Variants in FNBP1L observed in about 807,000 individuals in gnomAD.
FNBP1L encodes formin binding protein 1 like.
In FNBP1L, 36 loss-of-function variants were observed where a neutral mutation model predicts 91.2. The ratio of observed to expected loss-of-function variants is 0.39; its 90% CI spans 0.30 to 0.52. The LOEUF (loss-of-function observed/expected upper bound fraction) is 0.52, where lower values mean the gene tolerates loss of function less well. Among genes scored for constraint, FNBP1L ranks in the 20% least tolerant of loss-of-function variants. The pLI, the probability that FNBP1L is intolerant of heterozygous loss-of-function variation, is 0.66. For synonymous variants in FNBP1L, 242 were observed against 237.0 expected (o/e 1.02, Z -0.19); for missense variants, 571 against 732.1 (o/e 0.78, Z 2.54).
chr1:93,510,075 A>ACCTGG (rs1670774413), intron 2 of FNBP1L, among the ~76,000 whole-genome samples: 3 of 152,228 alleles, frequency 2.0e-5, no homozygotes, highest in Admixed American at 2.0e-4. Flanking sequence ...AGGTAAACAA[A>ACCTGG]GCAGCCAGGA....
chr1:93,546,736 CTACT>C, intron 12 of FNBP1L, 102 bp from the exon 13 acceptor site: 2 of 1,193,208 alleles, frequency 1.7e-6, no homozygotes, highest in Non-Finnish European at 2.4e-6. Context: ...AGATGTGACT[CTACT>C]TAAGATTAAG....
chr1:93,505,181 G>A (rs1384858309), intron 2 of FNBP1L, among the ~76,000 whole-genome samples: 2 of 143,368 alleles, frequency 1.4e-5, no homozygotes, highest in Non-Finnish European at 3.0e-5. Flanking sequence ...GCGCGATCTT[G>A]GCTCACTGCA....
intron 13 of FNBP1L, 22 bp from the exon 14 acceptor site, chr1:93,547,325 T>G: frequency 6.5e-7 from 1 of 1,530,266 alleles, no homozygotes; most frequent in Non-Finnish European, 8.9e-7. Flanking sequence ...AGCTCAGTTG[T>G]TTGCTTATTT....
rs1232181306 is a variant in FNBP1L at position 93,544,171 on chromosome 1, G to A, written c.1229G>A (p.Arg410His). The change falls in exon 12 of 17, where the codon CGC becomes CAC. Residue 410 changes from arginine (R) to histidine (H), a missense_variant. By Grantham distance (29) the Arg-to-His change is conservative. Around this residue, in one of 5 missense-constraint regions of FNBP1L, gnomAD observed 150 missense variants for 155.9 expected, o/e 0.96. Coordinates refer to ENST00000271234, the MANE Select transcript of FNBP1L (RefSeq NM_001164473.3). ...PEQRRKKLQQ[R>H]IDELNRELQK... ...CAGAGACGTAAAAAACTACAGCAGC[G>A]CATTGATGAACTTAACAGAGAACTA... is the stretch of plus-strand genomic sequence containing the variant. 9.9e-6 allele frequency: 16 copies of A among 1,611,754 alleles called. No individual in the cohort carries two copies. The highest frequency in any genetic ancestry group is 2.7e-5 in the African/African-American group (2 of 74,954).
chr1:93,509,516 G>C (rs1478814530), intron 2 of FNBP1L, among the ~76,000 whole-genome samples: 3 of 152,220 alleles, frequency 2.0e-5, no homozygotes, highest in Non-Finnish European at 4.4e-5. Flanking sequence ...AAGAAGGGTA[G>C]TGATACAGGT....
At chr1:93,491,232 A>G (rs922049353) in intron 1 of FNBP1L, among the ~76,000 whole-genome samples, 7 of 152,080 alleles carry the variant, frequency 4.6e-5, no homozygotes, top group Non-Finnish European at 8.8e-5. Context: ...GGCGTGAGCC[A>G]CCATGCCTGG....
chr1:93,462,487 C>T lies in FNBP1L; in HGVS notation c.24+14182C>T, dbSNP rs1017456611. 2.6e-5 allele frequency among the ~76,000 whole-genome samples: 4 copies of T among 151,944 alleles called. No individual in the cohort carries two copies. The South Asian group carries it at 6.2e-4, about 24-fold the overall frequency. Reference sequence around the variant, plus strand: ...TTATTAAGGTTTCCTTAGTTTTTACCTAATACCCCTTTTTTTGTTCCATAT... The same window carrying T: ...TTATTAAGGTTTCCTTAGTTTTTACTTAATACCCCTTTTTTTGTTCCATAT... On this transcript the variant is annotated intron_variant, in intron 1 of 16. Coordinates refer to ENST00000271234, the MANE Select transcript of FNBP1L (RefSeq NM_001164473.3).
rs200967087 is a variant in FNBP1L, at chr1:93,474,242, C to CA, written c.25-25218dup. Among the ~76,000 whole-genome samples the CA allele has an allele frequency of 3.8e-3, 574 of 150,498 alleles. 2 individuals are homozygous for CA. Among genetic ancestry groups the CA allele is most frequent in the East Asian group, 0.019 (94 of 5,062 alleles). On this transcript the variant is annotated intron_variant, in intron 1 of 16. Transcript: ENST00000271234. ...TGGGTGACAAAGTGAGACTCCGTCT[C>CA]AAAAAAAACAAAAACAAAAACTTTG...
chr1:93,536,715 C>G (rs1418219615), intron 10 of FNBP1L, among the ~76,000 whole-genome samples: 1 of 152,026 alleles, frequency 6.6e-6, no homozygotes, highest in South Asian at 2.1e-4. Context: ...TGGGTACAAT[C>G]ATATTTTAGC....
intron 2 of FNBP1L, among the ~76,000 whole-genome samples, chr1:93,513,677 T>C (rs1201000079): frequency 1.3e-5 from 2 of 152,220 alleles, no homozygotes; most frequent in African/African-American, 2.4e-5. Context: ...ACCACATGAT[T>C]ATCTCAATAG....
At chr1:93,489,692 CT>C (rs1023016560) in intron 1 of FNBP1L, among the ~76,000 whole-genome samples, 3 of 152,012 alleles carry the variant, frequency 2.0e-5, no homozygotes, top group South Asian at 4.2e-4. Context: ...GAGTTTTCCC[CT>C]ATCTTTAAAA....
At chr1:93,476,582 G>A (rs1474339218) in intron 1 of FNBP1L, among the ~76,000 whole-genome samples, 1 of 152,142 alleles carries the variant, frequency 6.6e-6, no homozygotes, top group African/African-American at 2.4e-5. Flanking sequence ...GTAAAATTCT[G>A]TAAGATGATA....
intron 4 of FNBP1L, 94 bp from the exon 5 acceptor site, chr1:93,524,167 G>T: frequency 1.0e-6 from 1 of 968,184 alleles, no homozygotes; most frequent in Non-Finnish European, 1.4e-6. Context: ...GCCTTTTGGG[G>T]ACTTTAGACT....
At chr1:93,544,862 T>A (rs1435438301) in intron 12 of FNBP1L, among the ~76,000 whole-genome samples, 1 of 152,080 alleles carries the variant, frequency 6.6e-6, no homozygotes, top group Admixed American at 6.5e-5. Context: ...AATGAAATAT[T>A]TGCACTACCT....
At chr1:93,470,012 A>G (rs906579393) in intron 1 of FNBP1L, among the ~76,000 whole-genome samples, 2 of 152,274 alleles carry the variant, frequency 1.3e-5, no homozygotes, top group African/African-American at 4.8e-5. Context: ...TTAAAGTACC[A>G]TATTTGTCCT....
intron 10 of FNBP1L, among the ~76,000 whole-genome samples, chr1:93,538,666 AG>A: frequency 6.6e-6 from 1 of 152,242 alleles, no homozygotes; most frequent in East Asian, 1.9e-4. Context: ...TTCAAAAAGA[AG>A]AAGGTAAGCT....
chr1:93,525,658 C>T (rs1016437908), intron 5 of FNBP1L, among the ~76,000 whole-genome samples: 1 of 151,992 alleles, frequency 6.6e-6, no homozygotes, highest in African/African-American at 2.4e-5. Context: ...GCCAACTTGC[C>T]TTTAGAACAA....
At chr1:93,519,927 G>A (rs1671266840) in intron 2 of FNBP1L, among the ~76,000 whole-genome samples, 1 of 152,154 alleles carries the variant, frequency 6.6e-6, no homozygotes, top group Non-Finnish European at 1.5e-5. Flanking sequence ...AGTGAGTGAA[G>A]TGCTAATGCT....
intron 1 of FNBP1L, among the ~76,000 whole-genome samples, chr1:93,479,481 T>TC (rs1557783171): frequency 6.6e-6 from 1 of 152,108 alleles, no homozygotes; most frequent in African/African-American, 2.4e-5. Context: ...GTGGGGTTTT[T>TC]CCCCACTCTA....
Sources: gnomAD v4.1 joint callset for allele counts (sites outside exome capture counted in the v4.1 genomes callset) on GRCh38, gnomAD v4.1.1 for gene constraint, gnomAD v4.1.1 regional missense constraint, MANE v1.5 for transcripts, NCBI Gene and HGNC (gene_info 2026-07-23, HGNC 2026-07-21) for gene names.